Variants in LGALS13 observed in about 807,000 individuals in gnomAD.
LGALS13 encodes galectin 13.
Under a neutral mutation model 13.2 loss-of-function variants are expected in LGALS13, and 11 were observed. The observed-to-expected ratio is 0.83, with a 90% confidence interval of 0.52 to 1.38. The LOEUF is 1.38. LGALS13 is among the 40% of genes most tolerant of loss of function. LGALS13 has a pLI of 0.00. For missense variants in LGALS13, 183 were observed against 174.3 expected, an observed-to-expected ratio of 1.05 and a Z score of -0.28; for synonymous variants, 71 against 63.7, an observed-to-expected ratio of 1.11 and a Z score of -0.54.
At chr19:39,605,117 G>A in intron 2 of LGALS13, 61 bp from the exon 3 acceptor site, 1 of 1,334,832 alleles carries the variant, frequency 7.5e-7, no homozygotes, top group Non-Finnish European at 1.1e-6. Flanking sequence ...TTGTGTGTGT[G>A]TCGAGTGTGT....
chr19:39,606,919 C>T (rs141393694), intron 3 of LGALS13, among the ~76,000 whole-genome samples: 1,865 of 152,240 alleles, frequency 0.012, 46 homozygotes, highest in African/African-American at 0.043. Context: ...GTCTCAAGTT[C>T]CTGAGACACA....
intron 1 of LGALS13, among the ~76,000 whole-genome samples, chr19:39,603,647 T>C (rs1444279466): frequency 6.6e-6 from 1 of 151,960 alleles, no homozygotes; most frequent in East Asian, 1.9e-4. Context: ...GCCAGAAGTT[T>C]GAGACCAGTC....
Position 39,605,253 on chromosome 19 carries a change from G to A in LGALS13, c.168G>A (p.Val56=), listed in dbSNP as rs373284374. Residue 56 remains valine (V), a synonymous_variant, in exon 3 of 4, where the codon GTG becomes GTA. Coordinates refer to ENST00000221797, the MANE Select transcript of LGALS13 (RefSeq NM_013268.3). ...EDSDIAFRFR[V]HFGNHVVMNR... ...CAGATATTGCCTTCCGTTTCCGAGT[G>A]CACTTTGGCAATCATGTGGTCATGA... 19 of 1,614,088 alleles carry A rather than the reference G, an allele frequency of 1.2e-5. No individual in the cohort carries two copies. Among genetic ancestry groups the A allele is most frequent in the Admixed American group, 1.0e-4 (6 of 60,004 alleles).
At chr19:39,604,357 C>T (rs1490883416) in intron 1 of LGALS13, among the ~76,000 whole-genome samples, 24 of 152,174 alleles carry the variant, frequency 1.6e-4, no homozygotes. Flanking sequence ...AAATCTAAGA[C>T]TGCACTGCTA....
At chr19:39,603,841 G>A (rs1455313413) in intron 1 of LGALS13, 1 of 711,616 alleles carries the variant, frequency 1.4e-6, no homozygotes, top group East Asian at 1.3e-4. Flanking sequence ...GACAGAGCAA[G>A]AACCTATCTC....
At chr19:39,605,069 C>T in intron 2 of LGALS13, 109 bp from the exon 3 acceptor site, 2 of 926,438 alleles carry the variant, frequency 2.2e-6, no homozygotes, top group Non-Finnish European at 3.5e-6. Context: ...TCAGTATTAT[C>T]TGGGAGACTT....
rs1972670602 is a variant in LGALS13, at chr19:39,605,357, T to A, written c.272T>A (p.Leu91Gln). 6.2e-7 allele frequency: 1 copy of A among 1,614,220 alleles called. No homozygotes were observed. The highest frequency in any genetic ancestry group is 8.5e-7 in the Non-Finnish European group (1 of 1,180,038). The change falls in exon 3 of 4, where the codon CTG (leucine) becomes CAG (glutamine). Residue 91 changes from leucine to glutamine, a missense_variant. Coordinates refer to ENST00000221797, the MANE Select transcript of LGALS13 (RefSeq NM_013268.3). The part of the protein sequence containing the change: ...VPFEDGKQFE[L>Q]CIYVHYNEYE... ...TTTGAGGATGGCAAACAATTTGAGCTGTGCATCTACGTACATTACAATGAG... is the reference window on the plus strand; with the variant it reads ...TTTGAGGATGGCAAACAATTTGAGCAGTGCATCTACGTACATTACAATGAG...
intron 3 of LGALS13, among the ~76,000 whole-genome samples, chr19:39,605,716 T>A (rs1168910910): frequency 1.3e-5 from 2 of 149,588 alleles, no homozygotes; most frequent in Non-Finnish European, 3.0e-5. Context: ...AAAAAAAGTT[T>A]AAAAAAAAAA....
intron 2 of LGALS13, 172 bp from the exon 3 acceptor site, chr19:39,605,006 T>C (rs924608229): frequency 1.4e-6 from 1 of 700,868 alleles, no homozygotes; most frequent in Non-Finnish European, 2.6e-6. Flanking sequence ...GAGCACAGAA[T>C]CTCCCTGCCT....
intron 1 of LGALS13, 76 bp from the exon 2 acceptor site, chr19:39,604,526 C>T: frequency 6.6e-7 from 1 of 1,508,996 alleles, no homozygotes; most frequent in South Asian, 1.1e-5. Context: ...CAACCTCCTG[C>T]ACCATGAGAA....
chr19:39,606,041 T>C (rs1429925596), intron 3 of LGALS13, among the ~76,000 whole-genome samples: 3 of 151,996 alleles, frequency 2.0e-5, no homozygotes, highest in Non-Finnish European at 4.4e-5. Context: ...GAGACGGGGG[T>C]TCACCACTTT....
Position 39,602,535 on chromosome 19 carries a change from CT to C in LGALS13, c.-33del. 6.2e-7 allele frequency: 1 copy of C among 1,612,020 alleles called. No homozygotes were observed. Among genetic ancestry groups the C allele is most frequent in the Non-Finnish European group, 8.5e-7 (1 of 1,178,060 alleles). On this transcript the variant is annotated 5_prime_UTR_variant, in exon 1 of 4. Transcript: ENST00000221797. The stretch of plus-strand genomic sequence containing the variant: ...TCAGAGATTCACTCAGAAGACTGGA[CT>C]CAATTCTGAAGGTCGCCAAGAAGGA...
In LGALS13 at chr19:39,602,871, A is replaced by G. The variant is rs370427577; in HGVS notation, c.15+288A>G. 2.0e-3 allele frequency among the ~76,000 whole-genome samples: 308 copies of G among 152,306 alleles called. 1 individual carries two copies. The highest frequency in any genetic ancestry group is 7.0e-3 in the African/African-American group (292 of 41,570). On this transcript the variant is annotated intron_variant, in intron 1 of 3. Coordinates refer to ENST00000221797, the MANE Select transcript of LGALS13 (RefSeq NM_013268.3). The stretch of plus-strand genomic sequence containing the variant: ...AGTGGGAGGTGGATTACCCACCAGG[A>G]CGAGCAGGTGTGTGAATGGAGAGTA...
chr19:39,606,011 T>C (rs905704866), intron 3 of LGALS13, among the ~76,000 whole-genome samples: 2 of 152,156 alleles, frequency 1.3e-5, no homozygotes, highest in African/African-American at 4.8e-5. Context: ...CACACCTGGC[T>C]AATTTTTGTA....
Position 39,605,329 on chromosome 19 carries a change from C to T in LGALS13, c.244C>T (p.Pro82Ser), listed in dbSNP as rs755756574. The T allele has an allele frequency of 3.7e-5, 59 of 1,614,020 alleles. No homozygotes were observed. Among genetic ancestry groups the T allele is most frequent in the Non-Finnish European group, 4.9e-5 (58 of 1,180,026 alleles). The change falls in exon 3 of 4, where the codon CCC (proline) becomes TCC (serine). Residue 82 changes from proline (P) to serine (S), a missense_variant. Physicochemically the swap from Pro to Ser is moderately conservative, Grantham distance 74 (BLOSUM62 -1). Transcript: ENST00000221797. ...WMLEETTDYVPFEDGKQFELC... is the reference protein window; with the variant it reads ...WMLEETTDYVSFEDGKQFELC... ...GTTGGAGGAGACAACAGACTACGTG[C>T]CCTTTGAGGATGGCAAACAATTTGA...
Position 39,604,659 on chromosome 19 carries a change from A to G in LGALS13, c.73A>G (p.Thr25Ala). Residue 25 changes from threonine (T) to alanine (A), a missense_variant, in exon 2 of 4, where the codon ACA becomes GCA. Coordinates refer to ENST00000221797, the MANE Select transcript of LGALS13 (RefSeq NM_013268.3). Reference protein sequence around the residue: ...SVGSCVIIKGTPIHSFINDPQ... With the variant: ...SVGSCVIIKGAPIHSFINDPQ... ...TGGTTCCTGCGTGATAATCAAAGGGACACCAATCCACTCTTTTATGTGAGT... is the reference window on the plus strand; with the variant it reads ...TGGTTCCTGCGTGATAATCAAAGGGGCACCAATCCACTCTTTTATGTGAGT... The G allele has an allele frequency of 6.2e-7, 1 of 1,614,166 alleles. No homozygotes were observed. The highest frequency in any genetic ancestry group is 1.1e-5 in the South Asian group (1 of 91,086).
intron 1 of LGALS13, among the ~76,000 whole-genome samples, chr19:39,603,474 C>G (rs1972633104): frequency 6.6e-6 from 1 of 151,438 alleles, no homozygotes; most frequent in Non-Finnish European, 1.5e-5. Context: ...ACTGTAAGCT[C>G]TGTCTGAACT....
rs774287801 is a variant in LGALS13, at chr19:39,605,215, A to G, written c.130A>G (p.Met44Val). The change falls in exon 3 of 4, where the codon ATG (methionine) becomes GTG (valine). Residue 44 changes from methionine to valine, a missense_variant. Transcript: ENST00000221797. ...PQLQVDFYTD[M>V]DEDSDIAFRF... ...GCTGCAGGTGGATTTCTACACTGAC[A>G]TGGATGAGGATTCAGATATTGCCTT... 8 of 1,614,246 alleles carry G rather than the reference A, an allele frequency of 5.0e-6. No homozygotes were observed. The African/African-American group carries it at 5.3e-5, about 11-fold the overall frequency.
chr19:39,605,958 C>T (rs112973453), intron 3 of LGALS13, among the ~76,000 whole-genome samples: 2,588 of 152,244 alleles, frequency 0.017, 34 homozygotes, highest in Non-Finnish European at 0.027. Context: ...ACAATTCTCT[C>T]GCCTCAGCCT....
Sources: allele counts gnomAD v4.1 joint callset (sites outside exome capture counted in the v4.1 genomes callset), GRCh38; gene constraint gnomAD v4.1.1; transcripts MANE v1.5; gene names NCBI Gene and HGNC (gene_info 2026-07-23, HGNC 2026-07-21).